The following ADGRL3 variants were observed in gnomAD, a reference collection of about 807,000 sequenced individuals.
The protein encoded by ADGRL3 is adhesion G protein-coupled receptor L3, also known as calcium-independent alpha-latrotoxin receptor 3.
ADGRL3 carries 62 observed loss-of-function variants against 153.5 expected under a neutral mutation model. The ratio of observed to expected loss-of-function variants is 0.40; its 90% CI spans 0.33 to 0.50. The LOEUF (loss-of-function observed/expected upper bound fraction) is 0.50, where lower values mean the gene tolerates loss of function less well. ADGRL3 is among the 20% of genes least tolerant of loss of function. The pLI, the probability that ADGRL3 is intolerant of heterozygous loss-of-function variation, is 0.47. For synonymous variants in ADGRL3, 710 were observed against 672.5 expected (o/e 1.06, Z -0.86); for missense variants, 1,641 against 1,859.4 (o/e 0.88, Z 2.16).
intron 4 of ADGRL3, among the ~76,000 whole-genome samples, chr4:61,585,325 TA>T (rs892219979): frequency 1.6e-4 from 24 of 152,126 alleles, no homozygotes; most frequent in African/African-American, 5.5e-4. Context: ...ACAAATGAGG[TA>T]AAAACCAACA....
chr4:61,612,170 G>T (rs2149697941), intron 5 of ADGRL3, among the ~76,000 whole-genome samples: 1 of 152,204 alleles, frequency 6.6e-6, no homozygotes, highest in African/African-American at 2.4e-5. Context: ...TTGAACTGTG[G>T]CCAATTTAAG....
intron 5 of ADGRL3, among the ~76,000 whole-genome samples, chr4:61,665,578 A>G (rs1219518034): frequency 1.3e-5 from 2 of 152,214 alleles, no homozygotes; most frequent in African/African-American, 4.8e-5. Context: ...AGCCATGGGA[A>G]TGACTCTGGT....
chr4:61,775,590 C>G, intron 8 of ADGRL3: 1 of 1,004,700 alleles, frequency 1.0e-6, no homozygotes, highest in Admixed American at 1.7e-5. Flanking sequence ...CTACCCTTTC[C>G]CCTAGTTTCT....
intron 5 of ADGRL3, among the ~76,000 whole-genome samples, chr4:61,595,575 T>G (rs377143686): frequency 6.6e-6 from 1 of 152,256 alleles, no homozygotes; most frequent in South Asian, 2.1e-4. Flanking sequence ...CTTCTCTCCT[T>G]TAGCAGAAGG....
intron 8 of ADGRL3, among the ~76,000 whole-genome samples, chr4:61,798,328 G>A (rs1215723551): frequency 2.0e-5 from 3 of 152,054 alleles, no homozygotes; most frequent in African/African-American, 4.8e-5. Context: ...TGAGCACATG[G>A]CAGGTACACA....
chr4:61,775,402 TTGTGTGTGTGTGTGTG>T, intron 8 of ADGRL3: 2 of 453,082 alleles, frequency 4.4e-6, no homozygotes, highest in South Asian at 2.5e-5. Flanking sequence ...TTTTCTTTCT[TTGTGTGTGTGTGTGTG>T]TGTGTGTGTG....
At chr4:61,980,142 C>G (rs541439691) in intron 18 of ADGRL3, among the ~76,000 whole-genome samples, 5 of 152,070 alleles carry the variant, frequency 3.3e-5, no homozygotes, top group East Asian at 1.9e-4. Context: ...ACTGATGAAC[C>G]TGCATCAACA....
At chr4:61,347,532 A>G (rs1021939463) in intron 1 of ADGRL3, among the ~76,000 whole-genome samples, 4 of 152,130 alleles carry the variant, frequency 2.6e-5, no homozygotes, top group Admixed American at 6.6e-5. Context: ...AGCAAATGCA[A>G]TGTATGCCTA....
At chr4:61,837,476 G>A (rs558620736) in intron 9 of ADGRL3, among the ~76,000 whole-genome samples, 123 of 152,128 alleles carry the variant, frequency 8.1e-4, no homozygotes, top group African/African-American at 2.3e-3. Flanking sequence ...TTAGGAGAAC[G>A]GGAAGATGTT....
intron 5 of ADGRL3, among the ~76,000 whole-genome samples, chr4:61,591,240 T>C (rs916456032): frequency 3.3e-5 from 5 of 152,204 alleles, no homozygotes; most frequent in Admixed American, 3.3e-4. Flanking sequence ...TAATGTAAAT[T>C]TGTTGAAGCA....
intron 9 of ADGRL3, among the ~76,000 whole-genome samples, chr4:61,826,927 A>T (rs77310390): frequency 6.7e-6 from 1 of 148,460 alleles, no homozygotes; most frequent in African/African-American, 2.5e-5. Context: ...AAAAAAAAAA[A>T]TTACTACAGA....
At chr4:61,355,840 T>C (rs1366520079) in intron 1 of ADGRL3, among the ~76,000 whole-genome samples, 2 of 152,130 alleles carry the variant, frequency 1.3e-5, no homozygotes, top group Non-Finnish European at 2.9e-5. Context: ...ATAAAGTTTA[T>C]ATTTTAAGGA....
In ADGRL3 at chr4:62,075,603, A is replaced by G. The variant is rs1251941874; in HGVS notation, c.*4695A>G. ...TCATTTTTAGTAATTCATAATTTTA[A>G]CTTACCACATAAACAATTACTATGC... On this transcript the variant is annotated 3_prime_UTR_variant, in exon 27 of 27. Coordinates refer to ENST00000683033, the MANE Select transcript of ADGRL3 (RefSeq NM_001387552.1). 2 of 152,168 alleles carry G rather than the reference A, an allele frequency of 1.3e-5. No individual in the cohort carries two copies. The highest frequency in any genetic ancestry group is 2.4e-5 in the African/African-American group (1 of 41,442). The allele number at this position is 152,168 out of a possible 1,614,324, so 9.4% of individuals were successfully genotyped here.
intron 9 of ADGRL3, among the ~76,000 whole-genome samples, chr4:61,821,414 G>C (rs2097755426): frequency 6.6e-6 from 1 of 151,668 alleles, no homozygotes; most frequent in Non-Finnish European, 1.5e-5. Flanking sequence ...CCAGCCTGGA[G>C]TGCAATGGCT....
At chr4:61,614,979 A>G (rs1036507106) in intron 5 of ADGRL3, among the ~76,000 whole-genome samples, 2 of 152,174 alleles carry the variant, frequency 1.3e-5, no homozygotes, top group Non-Finnish European at 2.9e-5. Context: ...TAGGAATGAT[A>G]TGGAGGAAGA....
In ADGRL3 at chr4:61,620,634, C is replaced by CTTTT. The variant is rs71664993; in HGVS notation, c.473+33216_473+33219dup. 3.3e-3 allele frequency among the ~76,000 whole-genome samples: 233 copies of CTTTT among 69,734 alleles called. 3 individuals carry two copies. The highest frequency in any genetic ancestry group is 3.8e-3 in the Non-Finnish European group (150 of 39,396). The allele number at this position is 69,734 out of a possible 152,430, so 45.7% of individuals were successfully genotyped here. A position where few individuals can be genotyped will look rare whatever the true frequency, so the allele number is the denominator to read the frequency against. The stretch of plus-strand genomic sequence containing the variant: ...ATGGTATATATAGTGTAAATTGTGA[C>CTTTT]TTTTTTTTTTTTTTTTTTTTTTTTT... On this transcript the variant is annotated intron_variant, in intron 5 of 26. Coordinates refer to ENST00000683033, the MANE Select transcript of ADGRL3 (RefSeq NM_001387552.1).
At chr4:61,829,060 G>GTTTAC (rs2097842982) in intron 9 of ADGRL3, among the ~76,000 whole-genome samples, 2 of 152,188 alleles carry the variant, frequency 1.3e-5, no homozygotes, top group African/African-American at 4.8e-5. Flanking sequence ...TAATAAACAT[G>GTTTAC]TGTGGTACTT....
rs937698786 is a variant in ADGRL3, at chr4:61,876,510, G to A, written c.1481-16146G>A. Among the ~76,000 whole-genome samples, 4 of 152,026 alleles carry A rather than the reference G, an allele frequency of 2.6e-5. No individual in the cohort carries two copies. In the East Asian group the frequency reaches 7.7e-4, roughly 29 times the overall value. ...AGAAAATAGCCATATGATGAATACA[G>A]ATGTAAGTAATCCAAAAATGACAAT... On this transcript the variant is annotated intron_variant, in intron 9 of 26. Transcript: ENST00000683033.
At chr4:61,219,515 A>T (rs1185121817) in intron 1 of ADGRL3, among the ~76,000 whole-genome samples, 3 of 152,226 alleles carry the variant, frequency 2.0e-5, no homozygotes, top group African/African-American at 7.2e-5. Flanking sequence ...ATTTATAAAT[A>T]CTCATTACTG....
Sources: allele counts gnomAD v4.1 joint callset (sites outside exome capture counted in the v4.1 genomes callset), GRCh38; gene constraint gnomAD v4.1.1; transcripts MANE v1.5; gene names NCBI Gene and HGNC (gene_info 2026-07-23, HGNC 2026-07-21).